FREM1: variants seen among roughly 807,000 people sequenced by gnomAD.
FREM1 encodes FRAS1-related extracellular matrix protein 1.
FREM1 carries 220 observed loss-of-function variants against 210.1 expected under a neutral mutation model. That is an observed-to-expected ratio of 1.05 (90% CI 0.94 to 1.17). The LOEUF is 1.17. Ranked by LOEUF, FREM1 falls within the 50% of genes most tolerant of loss-of-function variation. The pLI is 0.00. For missense variants in FREM1, 3,454 were observed against 2,675.5 expected (o/e 1.29, Z -6.42); for synonymous variants, 1,189 against 980.2 (o/e 1.21, Z -3.98).
intron 10 of FREM1, among the ~76,000 whole-genome samples, chr9:14,825,233 A>C (rs939742337): frequency 6.6e-6 from 1 of 152,048 alleles, no homozygotes; most frequent in Non-Finnish European, 1.5e-5. Context: ...CACCCCTGTA[A>C]TCTCAGCACT....
chr9:14,811,872 T>C (rs1243926816), intron 16 of FREM1, among the ~76,000 whole-genome samples: 1 of 152,128 alleles, frequency 6.6e-6, no homozygotes, highest in African/African-American at 2.4e-5. Flanking sequence ...TGGCCTTACA[T>C]ACTTGATCAT....
chr9:14,823,394 A>G, intron 12 of FREM1, 67 bp from the exon 13 acceptor site: 8 of 1,389,420 alleles, frequency 5.8e-6, no homozygotes, highest in Non-Finnish European at 7.9e-6. Flanking sequence ...TTAGAGGTCC[A>G]AGAGAACCAT....
intron 1 of FREM1, among the ~76,000 whole-genome samples, chr9:14,885,012 C>T (rs1835536176): frequency 7.2e-6 from 1 of 138,304 alleles, no homozygotes; most frequent in Admixed American, 7.3e-5. Flanking sequence ...GCAAGCTCCG[C>T]CTCCCGGGTT....
At position 14,784,540 on chromosome 9, in the gene FREM1, G is replaced by C; in HGVS notation, c.4272C>G (p.Asp1424Glu). ...TTTLLAVDGT[D>E]KPEELLYVIT... ...TGACATAGAGCAGTTCCTCAGGCTT[G>C]TCTGTTCCGTCCACAGCCAGGAGCG... is the stretch of plus-strand genomic sequence containing the variant. The change falls in exon 24 of 37, where the codon GAC (aspartate) becomes GAG (glutamate). Residue 1424 changes from aspartate to glutamate, a missense_variant. By Grantham distance (45) the Asp-to-Glu change is conservative. Transcript: ENST00000380880. 6.2e-7 allele frequency: 1 copy of C among 1,613,638 alleles called. No individual in the cohort carries two copies. Among genetic ancestry groups the C allele is most frequent in the Non-Finnish European group, 8.5e-7 (1 of 1,179,764 alleles).
chr9:14,761,331 T>A (rs938954967), intron 27 of FREM1, among the ~76,000 whole-genome samples: 1 of 152,168 alleles, frequency 6.6e-6, no homozygotes, highest in African/African-American at 2.4e-5. Context: ...GAGCATGGAA[T>A]TATTACAGGG....
chr9:14,890,565 A>C (rs1836636587), intron 1 of FREM1, among the ~76,000 whole-genome samples: 1 of 152,242 alleles, frequency 6.6e-6, no homozygotes, highest in Non-Finnish European at 1.5e-5. Context: ...AAACAAAACA[A>C]AACAAAACGG....
At chr9:14,831,809 CAG>C (rs1330663147) in intron 10 of FREM1, among the ~76,000 whole-genome samples, 2 of 152,186 alleles carry the variant, frequency 1.3e-5, no homozygotes, top group Non-Finnish European at 2.9e-5. Context: ...TGCTTGGGGA[CAG>C]AGTGACTAAG....
intron 21 of FREM1, among the ~76,000 whole-genome samples, chr9:14,793,948 A>G (rs189539136): frequency 1.3e-5 from 2 of 152,334 alleles, no homozygotes; most frequent in East Asian, 3.9e-4. Flanking sequence ...CAGAAAGCTA[A>G]GCAATCAGTT....
At chr9:14,798,988 G>A (rs1441565077) in intron 20 of FREM1, among the ~76,000 whole-genome samples, 2 of 150,650 alleles carry the variant, frequency 1.3e-5, no homozygotes. Context: ...TGTTTTAAAA[G>A]TAAGAAGAGG....
upstream of FREM1, among the ~76,000 whole-genome samples, chr9:14,910,601 C>A (rs1190456394): frequency 6.6e-6 from 1 of 152,046 alleles, no homozygotes; most frequent in African/African-American, 2.4e-5. Flanking sequence ...GATAGACACA[C>A]AATCACCACA....
intron 23 of FREM1, among the ~76,000 whole-genome samples, chr9:14,786,918 G>C (rs1219554304): frequency 6.6e-6 from 1 of 152,180 alleles, no homozygotes; most frequent in Admixed American, 6.6e-5. Flanking sequence ...GTTTCACCAG[G>C]AGCAGGAAAT....
At chr9:14,851,207 T>G in intron 6 of FREM1, 77 bp downstream of exon 6, 13 of 1,056,488 alleles carry the variant, frequency 1.2e-5, no homozygotes, top group Non-Finnish European at 1.8e-5. Flanking sequence ...CAAAGGAACC[T>G]GAGGGTTTAG....
intron 2 of FREM1, among the ~76,000 whole-genome samples, chr9:14,865,539 G>A (rs1236580228): frequency 6.6e-6 from 1 of 152,194 alleles, no homozygotes; most frequent in African/African-American, 2.4e-5. Flanking sequence ...TTCTGTGCAA[G>A]TCACATGAAA....
intron 1 of FREM1, among the ~76,000 whole-genome samples, chr9:14,884,617 A>T (rs1835437906): frequency 6.6e-6 from 1 of 152,308 alleles, no homozygotes; most frequent in Admixed American, 6.5e-5. Flanking sequence ...TTTATTTCAT[A>T]ATTACACATT....
Position 14,857,637 on chromosome 9 carries a change from C to G in FREM1, c.744G>C (p.Gln248His). 6.2e-7 allele frequency: 1 copy of G among 1,613,880 alleles called. No individual in the cohort carries two copies. The highest frequency in any genetic ancestry group is 8.5e-7 in the Non-Finnish European group (1 of 1,179,848). ...EEFLLMGLRYQHLDPPSPNID... is the reference protein window; with the variant it reads ...EEFLLMGLRYHHLDPPSPNID... ...TGTTGGGTGAAGGGGGATCCAGATG[C>G]TGATAACGAAGGCCCATCAGCAGGA... The change falls in exon 5 of 37, where the codon CAG becomes CAC. Residue 248 changes from glutamine to histidine, a missense_variant. By Grantham distance (24) the Gln-to-His change is conservative. Coordinates refer to ENST00000380880, the MANE Select transcript of FREM1 (RefSeq NM_001379081.2).
intron 11 of FREM1, among the ~76,000 whole-genome samples, chr9:14,824,489 G>A (rs1375588678): frequency 4.6e-5 from 7 of 152,146 alleles, no homozygotes; most frequent in African/African-American, 9.7e-5. Context: ...CTAATGTTAG[G>A]AAGACCTCAA....
chr9:14,813,040 GT>G lies in FREM1; in HGVS notation c.2664del (p.Pro889GlnfsTer3), dbSNP rs771405393. 6.2e-7 allele frequency: 1 copy of G among 1,610,514 alleles called. No homozygotes were observed. Among genetic ancestry groups the G allele is most frequent in the South Asian group, 1.1e-5 (1 of 90,718 alleles). ...HVEVFPVNDE[P>X]PVLKADLMPV... The stretch of plus-strand genomic sequence containing the variant: ...GGCATGAGGTCAGCCTTTAAGACTG[GT>G]GGCTCATCGTTGACAGGGAATACCT... On this transcript the variant is annotated frameshift_variant, in exon 16 of 37. Transcript: ENST00000380880. LOFTEE classifies it high-confidence loss of function.
chr9:14,821,959 T>C (rs1025897983), intron 13 of FREM1, among the ~76,000 whole-genome samples: 7 of 152,184 alleles, frequency 4.6e-5, no homozygotes, highest in Non-Finnish European at 1.0e-4. Flanking sequence ...TCACCTTGAA[T>C]TGTAATAATC....
chr9:14,891,397 G>T (rs112674497), intron 1 of FREM1, among the ~76,000 whole-genome samples: 2 of 152,346 alleles, frequency 1.3e-5, no homozygotes, highest in African/African-American at 4.8e-5. Context: ...AGTGTACAGT[G>T]TAATTCAGAA....
Sources: gnomAD v4.1 joint callset for allele counts (sites outside exome capture counted in the v4.1 genomes callset) on GRCh38, gnomAD v4.1.1 for gene constraint, MANE v1.5 for transcripts, NCBI Gene and HGNC (gene_info 2026-07-23, HGNC 2026-07-21) for gene names.